Variants in COL13A1 observed in about 807,000 individuals in gnomAD.
The protein encoded by COL13A1 is collagen type XIII alpha 1 chain.
COL13A1 carries 89 observed loss-of-function variants against 130.9 expected under a neutral mutation model. That is an observed-to-expected ratio of 0.68 (90% confidence interval 0.57 to 0.81). The LOEUF is 0.81. COL13A1 is among the 30% of genes least tolerant of loss of function. The probability of loss-of-function intolerance (pLI) is 0.00; values close to 1 mark genes in which losing one functional copy is unlikely to be tolerated. For missense variants in COL13A1, 879 were observed against 934.6 expected (o/e 0.94, Z 0.78); for synonymous variants, 402 against 341.6 (o/e 1.18, Z -1.95).
chr10:69,898,285 G>A (rs2061854387), intron 13 of COL13A1, among the ~76,000 whole-genome samples: 1 of 152,220 alleles, frequency 6.6e-6, no homozygotes. Flanking sequence ...AGGGATGGGT[G>A]GGGCTGGCAG....
intron 1 of COL13A1, among the ~76,000 whole-genome samples, chr10:69,820,487 G>A (rs940502411): frequency 5.9e-5 from 9 of 152,234 alleles, no homozygotes; most frequent in African/African-American, 2.2e-4. Flanking sequence ...GGGATGTGGA[G>A]GCAGGTTCGT....
intron 1 of COL13A1, among the ~76,000 whole-genome samples, chr10:69,817,444 G>T (rs1429847351): frequency 1.3e-5 from 2 of 151,726 alleles, no homozygotes; most frequent in Non-Finnish European, 2.9e-5. Flanking sequence ...TTGGTGGTTT[G>T]GGGAGAGGAA....
rs1388490045 is a variant in COL13A1 at position 69,919,740 on chromosome 10, G to T, written c.1089+13G>T. On this transcript the variant is annotated intron_variant, in intron 21 of 40. Transcript: ENST00000645393. The stretch of plus-strand genomic sequence containing the variant: ...GAGGGGGCAGAGGGTAGGATATCGT[G>T]TATTTGAGTGTGTGCCCCTTCATCC... 2 of 398,604 alleles carry T rather than the reference G, an allele frequency of 5.0e-6. No individual in the cohort carries two copies. Among genetic ancestry groups the T allele is most frequent in the African/African-American group, 4.1e-5 (2 of 48,628 alleles). 24.7% of individuals were successfully genotyped at this position (398,604 alleles called of 1,614,324 possible).
intron 38 of COL13A1, among the ~76,000 whole-genome samples, chr10:69,948,444 A>G (rs191400436): frequency 6.6e-6 from 1 of 152,250 alleles, no homozygotes; most frequent in Non-Finnish European, 1.5e-5. Context: ...ATCTTCTATA[A>G]ACAAGAGGGA....
Position 69,878,055 on chromosome 10 carries a change from C to G in COL13A1, c.452C>G (p.Pro151Arg). ...CTGCCCCAGGGAGTAAAGGGCCAAC[C>G]AGGCGAGAAGGTGAGTCCACACTTT... ...MPGRVGVKGQ[P>R]GEKGSPGDAG... The change falls in exon 6 of 41, where the codon CCA (proline) becomes CGA (arginine). Residue 151 changes from proline (P) to arginine (R), a missense_variant. Pro to Arg is a moderately radical substitution (Grantham distance 103). Coordinates refer to ENST00000645393, the MANE Select transcript of COL13A1 (RefSeq NM_001368882.1). 1 of 703,014 alleles carries G rather than the reference C, an allele frequency of 1.4e-6. No individual in the cohort carries two copies. The highest frequency in any genetic ancestry group is 2.6e-6 in the Non-Finnish European group (1 of 385,016). 43.5% of individuals were successfully genotyped at this position (703,014 alleles called of 1,614,324 possible).
chr10:69,921,011 A>T (rs1039095224), intron 21 of COL13A1, among the ~76,000 whole-genome samples: 2 of 152,142 alleles, frequency 1.3e-5, no homozygotes, highest in Non-Finnish European at 2.9e-5. Flanking sequence ...TGGGTAGGGA[A>T]GTGTATTATT....
rs149300581 is a variant in COL13A1 at position 69,875,176 on chromosome 10, G to A, written c.435+13G>A. Reference sequence around the variant, plus strand: ...GCCTGGACGTGTGGTGAGTTGGCCCGTTTGTACCTGCTCAGGTGGCCATTG... The same window carrying A: ...GCCTGGACGTGTGGTGAGTTGGCCCATTTGTACCTGCTCAGGTGGCCATTG... On this transcript the variant is annotated intron_variant, in intron 5 of 40. Coordinates refer to ENST00000645393, the MANE Select transcript of COL13A1 (RefSeq NM_001368882.1). 120 of 1,613,944 alleles carry A rather than the reference G, an allele frequency of 7.4e-5. 1 individual carries two copies. The highest frequency in any genetic ancestry group is 6.7e-4 in the South Asian group (61 of 91,068).
At chr10:69,928,889 C>T in intron 27 of COL13A1, 48 bp from the exon 28 acceptor site, 3 of 1,466,236 alleles carry the variant, frequency 2.0e-6, no homozygotes, top group South Asian at 2.3e-5. Flanking sequence ...CACAGGCTAC[C>T]CTCCTCCATG....
intron 2 of COL13A1, among the ~76,000 whole-genome samples, chr10:69,866,554 G>A (rs1354205893): frequency 6.6e-6 from 1 of 152,142 alleles, no homozygotes; most frequent in African/African-American, 2.4e-5. Flanking sequence ...TCAGCCTAAT[G>A]GCTCCCAGAT....
chr10:69,907,838 C>G (rs1421630740), intron 17 of COL13A1, among the ~76,000 whole-genome samples: 1 of 152,198 alleles, frequency 6.6e-6, no homozygotes, highest in African/African-American at 2.4e-5. Context: ...GATAACTATC[C>G]CACTCCCGCG....
In COL13A1 at chr10:69,949,983, CATGT is replaced by C. The variant is rs529193716; in HGVS notation, c.2058+2642_2058+2645del. ...GTGTGTGCGTGTGTGTGTGTGTGTG[CATGT>C]GTTTGTGTGTGCGTGTGTGTGTACG... On this transcript the variant is annotated intron_variant, in intron 38 of 40. Transcript: ENST00000645393. Among the ~76,000 whole-genome samples, 80 of 148,458 alleles carry C rather than the reference CATGT, an allele frequency of 5.4e-4. No individual in the cohort carries two copies. The East Asian group carries it at 0.015, about 28-fold the overall frequency.
At chr10:69,882,141 C>T (rs906046157) in intron 7 of COL13A1, among the ~76,000 whole-genome samples, 3 of 152,178 alleles carry the variant, frequency 2.0e-5, no homozygotes, top group Admixed American at 6.5e-5. Flanking sequence ...AAGACAGGCT[C>T]CCAGGTTCTA....
At chr10:69,865,925 C>T (rs536247632) in intron 2 of COL13A1, among the ~76,000 whole-genome samples, 4 of 152,302 alleles carry the variant, frequency 2.6e-5, no homozygotes, top group South Asian at 2.1e-4. Flanking sequence ...CCTGGGGAGT[C>T]GCTCAACCTT....
intron 17 of COL13A1, among the ~76,000 whole-genome samples, chr10:69,907,972 A>G (rs948975881): frequency 5.8e-4 from 89 of 152,332 alleles, no homozygotes; most frequent in African/African-American, 2.1e-3. Context: ...TGGGGGACAC[A>G]TTCAAACCAT....
intron 2 of COL13A1, among the ~76,000 whole-genome samples, chr10:69,858,188 AAC>A (rs1857005751): frequency 6.6e-6 from 1 of 151,446 alleles, no homozygotes; most frequent in South Asian, 2.1e-4. Flanking sequence ...TTCTGGTTAG[AAC>A]ACAGTGGGCA....
At chr10:69,906,768 G>C (rs906368648) in intron 17 of COL13A1, among the ~76,000 whole-genome samples, 1 of 151,916 alleles carries the variant, frequency 6.6e-6, no homozygotes, top group Non-Finnish European at 1.5e-5. Flanking sequence ...GTCTAACTCT[G>C]TCACCAGGCT....
intron 39 of COL13A1, chr10:69,955,474 C>T (rs1388423806): frequency 6.5e-6 from 1 of 152,742 alleles, no homozygotes; most frequent in Non-Finnish European, 1.5e-5. Context: ...CAGCAGCTGC[C>T]TTGGCCTCTC....
rs553077750 is a variant in COL13A1, at chr10:69,870,173, C to CTG, written c.373-2009_373-2008dup. Among the ~76,000 whole-genome samples, 362 of 147,182 alleles carry CTG rather than the reference C, an allele frequency of 2.5e-3. 3 individuals carry two copies. The highest frequency in any genetic ancestry group is 8.7e-3 in the African/African-American group (352 of 40,296). Reference sequence around the variant, plus strand: ...AGGTATATGTGTGTATGTGTGTGTACTGTATATATATATTTTTTTTACTTA... The same window carrying CTG: ...AGGTATATGTGTGTATGTGTGTGTACTGTGTATATATATATTTTTTTTACTTA... On this transcript the variant is annotated intron_variant, in intron 3 of 40. Coordinates refer to ENST00000645393, the MANE Select transcript of COL13A1 (RefSeq NM_001368882.1).
At chr10:69,814,320 C>CAGG (rs1462470637) in intron 1 of COL13A1, among the ~76,000 whole-genome samples, 1 of 152,242 alleles carries the variant, frequency 6.6e-6, no homozygotes, top group East Asian at 1.9e-4. Flanking sequence ...CTGAGTTTCC[C>CAGG]AGGAGGAGGA....
Sources: allele counts gnomAD v4.1 joint callset (sites outside exome capture counted in the v4.1 genomes callset), GRCh38; gene constraint gnomAD v4.1.1; transcripts MANE v1.5; gene names NCBI Gene and HGNC (gene_info 2026-07-23, HGNC 2026-07-21).